Variants in SEZ6L observed in about 807,000 individuals in gnomAD.
SEZ6L encodes the protein seizure related 6 homolog like.
SEZ6L carries 37 observed loss-of-function variants against 106.2 expected under a neutral mutation model. That is an observed-to-expected ratio of 0.35 (90% confidence interval 0.27 to 0.46). SEZ6L has a LOEUF of 0.46. Ranked by LOEUF, SEZ6L falls within the 20% of genes least tolerant of loss-of-function variation. SEZ6L has a pLI of 1.00. For synonymous variants in SEZ6L, 541 were observed against 570.4 expected, an observed-to-expected ratio of 0.95 and a Z score of 0.73; for missense variants, 1,172 against 1,332.8, an observed-to-expected ratio of 0.88 and a Z score of 1.88.
In SEZ6L at chr22:26,292,633, C is replaced by T. The variant is rs775649548; in HGVS notation, c.322C>T (p.Arg108Cys). ...ALSPLLPEEA[R>C]PKHALPPKKK... is the part of the protein sequence containing the mutation. ...GTCACCGCTGCTTCCAGAGGAGGCCCGCCCCAAGCACGCCTTGCCCCCCAA... is the reference window on the plus strand; with the variant it reads ...GTCACCGCTGCTTCCAGAGGAGGCCTGCCCCAAGCACGCCTTGCCCCCCAA... Residue 108 changes from arginine to cysteine, a missense_variant, in exon 2 of 17, where the codon CGC becomes TGC. Arg to Cys is a radical substitution (Grantham distance 180). This residue lies in a region of SEZ6L where 494 missense variants were observed against 445.8 expected (regional missense o/e 1.11). Coordinates refer to ENST00000248933, the MANE Select transcript of SEZ6L (RefSeq NM_021115.5). 5.0e-6 allele frequency: 8 copies of T among 1,613,074 alleles called. No individual in the cohort carries two copies. The East Asian group carries it at 6.7e-5, about 13-fold the overall frequency.
In SEZ6L at chr22:26,338,541, A is replaced by T. The variant is rs943864131; in HGVS notation, c.2016-1895A>T. Among the ~76,000 whole-genome samples, 10 of 149,716 alleles carry T rather than the reference A, an allele frequency of 6.7e-5. No individual in the cohort carries two copies. In the South Asian group the frequency reaches 8.5e-4, roughly 13 times the overall value. On this transcript the variant is annotated intron_variant, in intron 9 of 16. Transcript: ENST00000248933. The stretch of plus-strand genomic sequence containing the variant: ...GCCTCCTGAGAAGCTAGGACTACAG[A>T]GGTGCACCACCACACCAAAAAAAAA...
intron 1 of SEZ6L, among the ~76,000 whole-genome samples, chr22:26,182,083 A>G (rs890166521): frequency 3.3e-5 from 5 of 152,264 alleles, no homozygotes; most frequent in African/African-American, 1.2e-4. Flanking sequence ...CTCCCTCCCA[A>G]TCCCCACCTC....
In SEZ6L at chr22:26,173,610, T is replaced by A. The variant is rs574329108; in HGVS notation, c.94+3847T>A. 4.3e-4 allele frequency among the ~76,000 whole-genome samples: 66 copies of A among 152,352 alleles called. 3 individuals carry two copies. In the South Asian group the frequency reaches 0.013, roughly 31 times the overall value. ...TGCCCTTTCATTCATTCATTTGAATTTACCGAGCACTTCCTATGTGTCTTA... is the reference window on the plus strand; with the variant it reads ...TGCCCTTTCATTCATTCATTTGAATATACCGAGCACTTCCTATGTGTCTTA... On this transcript the variant is annotated intron_variant, in intron 1 of 16. Coordinates refer to ENST00000248933, the MANE Select transcript of SEZ6L (RefSeq NM_021115.5).
intron 1 of SEZ6L, among the ~76,000 whole-genome samples, chr22:26,214,812 A>G (rs939989691): frequency 1.3e-5 from 2 of 152,196 alleles, no homozygotes; most frequent in East Asian, 1.9e-4. Flanking sequence ...TGGGGAATAG[A>G]CAGAGTTTGC....
rs548220330 is a variant in SEZ6L, at chr22:26,292,425, T to A, written c.114T>A (p.Asp38Glu). Residue 38 changes from aspartate (D) to glutamate (E), a missense_variant, in exon 2 of 17, where the codon GAT (aspartate) becomes GAA (glutamate). Coordinates refer to ENST00000248933, the MANE Select transcript of SEZ6L (RefSeq NM_021115.5). ...TCCAAGATGCTCTTCCCGAGGGAGA[T>A]GCTAGCCCTTTGGGTCCTTACCTCC... is the stretch of plus-strand genomic sequence containing the variant. ...ALERDALPEG[D>E]ASPLGPYLLP... 6.2e-7 allele frequency: 1 copy of A among 1,613,304 alleles called. No homozygotes were observed. Among genetic ancestry groups the A allele is most frequent in the South Asian group, 1.1e-5 (1 of 90,944 alleles).
At chr22:26,248,939 TAAG>T (rs3071468) in intron 1 of SEZ6L, among the ~76,000 whole-genome samples, 37,203 of 152,092 alleles carry the variant, frequency 0.24, 5,180 homozygotes, top group East Asian at 0.32. Context: ...TTTCTCCTGA[TAAG>T]AACTGTCTTT....
chr22:26,374,890 G>A (rs941832868), intron 14 of SEZ6L, among the ~76,000 whole-genome samples: 1 of 152,186 alleles, frequency 6.6e-6, no homozygotes, highest in Admixed American at 6.5e-5. Flanking sequence ...ATGTGCAGGA[G>A]TAGCCTCTGG....
rs114795457 is a variant in SEZ6L, at chr22:26,229,698, C to T, written c.94+59935C>T. 7.5e-3 allele frequency among the ~76,000 whole-genome samples: 1,142 copies of T among 152,338 alleles called. 17 individuals are homozygous for T. Among genetic ancestry groups the T allele is most frequent in the African/African-American group, 0.025 (1,046 of 41,588 alleles). ...CAAGGCATAGGACTCACTCCAGATCCACTTAGACAGGGTCCCTGGGGATGG... is the reference window on the plus strand; with the variant it reads ...CAAGGCATAGGACTCACTCCAGATCTACTTAGACAGGGTCCCTGGGGATGG... On this transcript the variant is annotated intron_variant, in intron 1 of 16. Coordinates refer to ENST00000248933, the MANE Select transcript of SEZ6L (RefSeq NM_021115.5).
At chr22:26,294,505 G>A in intron 3 of SEZ6L, 80 bp downstream of exon 3, 3 of 1,463,880 alleles carry the variant, frequency 2.0e-6, no homozygotes, top group Non-Finnish European at 2.8e-6. Flanking sequence ...CAGGCTTACT[G>A]TTATGCTAAC....
chr22:26,351,470 C>A, intron 12 of SEZ6L: 2 of 484,598 alleles, frequency 4.1e-6, no homozygotes, highest in Admixed American at 3.8e-5. Flanking sequence ...AAATTTCACT[C>A]TTTCTTCCTC....
chr22:26,182,636 G>T (rs550773597), intron 1 of SEZ6L, among the ~76,000 whole-genome samples: 38 of 152,114 alleles, frequency 2.5e-4, no homozygotes, highest in African/African-American at 8.9e-4. Context: ...ATAATAACCA[G>T]CTAGAACAGA....
chr22:26,200,833 C>T (rs548785268), intron 1 of SEZ6L, among the ~76,000 whole-genome samples: 7 of 152,256 alleles, frequency 4.6e-5, no homozygotes, highest in South Asian at 2.1e-4. Flanking sequence ...CTCCTACAAT[C>T]GCTCTCTGCT....
chr22:26,170,479 T>G (rs1847140400), intron 1 of SEZ6L, among the ~76,000 whole-genome samples: 1 of 151,658 alleles, frequency 6.6e-6, no homozygotes, highest in Non-Finnish European at 1.5e-5. Flanking sequence ...CTGTTAGGAA[T>G]GGGGGGTGAG....
intron 1 of SEZ6L, among the ~76,000 whole-genome samples, chr22:26,290,364 T>C (rs2081070766): frequency 6.6e-6 from 1 of 152,060 alleles, no homozygotes; most frequent in Admixed American, 6.6e-5. Flanking sequence ...ACCCTGTCTC[T>C]ACTAAAAAAT....
intron 12 of SEZ6L, chr22:26,365,055 C>T (rs1286690785): frequency 1.4e-5 from 3 of 220,914 alleles, no homozygotes; most frequent in East Asian, 8.6e-5. Flanking sequence ...CTTTGATCGT[C>T]GTTATGCTAA....
chr22:26,230,760 G>T (rs2078774191), intron 1 of SEZ6L, among the ~76,000 whole-genome samples: 1 of 152,182 alleles, frequency 6.6e-6, no homozygotes, highest in Non-Finnish European at 1.5e-5. Context: ...GAATGTTCTG[G>T]GAAGAGCCAG....
intron 1 of SEZ6L, among the ~76,000 whole-genome samples, chr22:26,278,351 T>C (rs2080622838): frequency 6.6e-6 from 1 of 152,216 alleles, no homozygotes; most frequent in Non-Finnish European, 1.5e-5. Context: ...ATATATTGCA[T>C]AACGATGAAG....
chr22:26,336,851 C>T (rs1278263854), intron 9 of SEZ6L, among the ~76,000 whole-genome samples: 1 of 152,062 alleles, frequency 6.6e-6, no homozygotes, highest in Admixed American at 6.5e-5. Flanking sequence ...AGGAAAACTG[C>T]CCCTAGTTGA....
At chr22:26,351,535 T>TGG (rs781192087) in intron 12 of SEZ6L, 2,639 of 248,204 alleles carry the variant, frequency 0.011, 14 homozygotes, top group Middle Eastern at 0.018. Context: ...GTTTGTTTGT[T>TGG]TGTTTGTTTG....
Sources: gnomAD v4.1 joint callset for allele counts (sites outside exome capture counted in the v4.1 genomes callset) on GRCh38, gnomAD v4.1.1 for gene constraint, gnomAD v4.1.1 regional missense constraint, MANE v1.5 for transcripts, NCBI Gene and HGNC (gene_info 2026-07-23, HGNC 2026-07-21) for gene names.